The following YAP1 variants were observed in gnomAD, a reference collection of about 807,000 sequenced individuals.
YAP1 encodes Yes1 associated transcriptional regulator.
YAP1 carries 5 observed loss-of-function variants against 56.9 expected under a neutral mutation model. The ratio of observed to expected loss-of-function variants is 0.09; its 90% CI spans 0.05 to 0.18. The LOEUF (loss-of-function observed/expected upper bound fraction) is 0.18, where lower values mean the gene tolerates loss of function less well. Among genes scored for constraint, YAP1 ranks in the 10% least tolerant of loss-of-function variants. YAP1 has a pLI of 1.00. For missense variants in YAP1, 539 were observed against 651.8 expected (o/e 0.83, Z 1.88); for synonymous variants, 265 against 248.1 (o/e 1.07, Z -0.64).
chr11:102,223,592 T>C, intron 6 of YAP1, 30 bp from the exon 7 acceptor site: 1 of 1,608,236 alleles, frequency 6.2e-7, no homozygotes, highest in Non-Finnish European at 8.5e-7. Context: ...AATCAGTAGA[T>C]TGATTCTCTT....
chr11:102,192,781 A>C (rs1002534513), intron 4 of YAP1, among the ~76,000 whole-genome samples: 1 of 152,164 alleles, frequency 6.6e-6, no homozygotes, highest in Non-Finnish European at 1.5e-5. Context: ...CTTTTGAACT[A>C]TTTATTGCAC....
intron 2 of YAP1, among the ~76,000 whole-genome samples, chr11:102,121,065 A>G (rs1286094998): frequency 1.3e-5 from 2 of 151,940 alleles, no homozygotes; most frequent in East Asian, 3.9e-4. Context: ...GTCCCTCCCC[A>G]CCATCCATGA....
intron 2 of YAP1, among the ~76,000 whole-genome samples, chr11:102,149,922 A>G (rs1198183065): frequency 1.5e-5 from 2 of 137,672 alleles, no homozygotes; most frequent in African/African-American, 5.5e-5. Context: ...TTACTGGAGT[A>G]TGTCTTTCCA....
rs1449920536 is a variant in YAP1 at position 102,142,844 on chromosome 11, T to A, written c.573-19612T>A. Among the ~76,000 whole-genome samples the A allele has an allele frequency of 3.3e-5, 5 of 152,378 alleles. No individual in the cohort carries two copies. In the East Asian group the frequency reaches 9.6e-4, roughly 29 times the overall value. On this transcript the variant is annotated intron_variant, in intron 2 of 8. Coordinates refer to ENST00000282441, the MANE Select transcript of YAP1 (RefSeq NM_001130145.3). Reference sequence around the variant, plus strand: ...GGCTAATAAGATATTTTCAAACTTTTTTAGTAATTGATAGGAACTTCGTTT... The same window carrying A: ...GGCTAATAAGATATTTTCAAACTTTATTAGTAATTGATAGGAACTTCGTTT...
At chr11:102,147,298 GAA>G (rs1268613895) in intron 2 of YAP1, among the ~76,000 whole-genome samples, 1 of 152,158 alleles carries the variant, frequency 6.6e-6, no homozygotes, top group Non-Finnish European at 1.5e-5. Flanking sequence ...TAGTATGCCA[GAA>G]CACTCCAGTA....
intron 3 of YAP1, among the ~76,000 whole-genome samples, chr11:102,174,044 G>T (rs551406799): frequency 1.9e-4 from 29 of 152,234 alleles, no homozygotes; most frequent in African/African-American, 7.0e-4. Flanking sequence ...AGTAGGATTG[G>T]GACCTGAGAT....
chr11:102,146,843 C>T (rs768366146), intron 2 of YAP1, among the ~76,000 whole-genome samples: 17 of 152,148 alleles, frequency 1.1e-4, no homozygotes, highest in East Asian at 1.9e-4. Context: ...TCTTCCAGCA[C>T]GACAACTAAT....
intron 2 of YAP1, among the ~76,000 whole-genome samples, chr11:102,134,395 A>T (rs1591179062): frequency 6.6e-6 from 1 of 151,346 alleles, no homozygotes; most frequent in East Asian, 1.9e-4. Context: ...TTTACATCTC[A>T]GTATTGTTCT....
chr11:102,121,228 A>C (rs143026979), intron 2 of YAP1, among the ~76,000 whole-genome samples: 20 of 152,312 alleles, frequency 1.3e-4, no homozygotes, highest in African/African-American at 4.8e-4. Flanking sequence ...CTTTGAGCCC[A>C]GGAGTTGAAG....
intron 6 of YAP1, among the ~76,000 whole-genome samples, chr11:102,209,845 T>C (rs1254052712): frequency 6.6e-6 from 1 of 152,224 alleles, no homozygotes; most frequent in African/African-American, 2.4e-5. Context: ...CAGTTGTACA[T>C]CCTATCAGCT....
At chr11:102,141,330 C>A (rs921481215) in intron 2 of YAP1, among the ~76,000 whole-genome samples, 1 of 152,170 alleles carries the variant, frequency 6.6e-6, no homozygotes, top group Non-Finnish European at 1.5e-5. Context: ...ATTTCAGAAG[C>A]ATTGACTTAT....
chr11:102,194,925 T>A (rs1212648847), intron 4 of YAP1, among the ~76,000 whole-genome samples: 2 of 152,168 alleles, frequency 1.3e-5, no homozygotes, highest in African/African-American at 4.8e-5. Context: ...TTTATTTTTT[T>A]AATTTTTAGT....
At chr11:102,216,474 A>T (rs1303467807) in intron 6 of YAP1, among the ~76,000 whole-genome samples, 3 of 152,226 alleles carry the variant, frequency 2.0e-5, no homozygotes, top group Non-Finnish European at 2.9e-5. Context: ...CCTGTGTTAA[A>T]AAATGCCAAT....
intron 4 of YAP1, among the ~76,000 whole-genome samples, chr11:102,203,813 G>T (rs538900366): frequency 5.9e-5 from 9 of 152,070 alleles, no homozygotes; most frequent in Non-Finnish European, 1.3e-4. Context: ...AAAACATGTG[G>T]GATGCAGGTA....
At chr11:102,112,551 T>C (rs960810252) in intron 1 of YAP1, 19 of 983,848 alleles carry the variant, frequency 1.9e-5, no homozygotes, top group Non-Finnish European at 2.3e-5. Flanking sequence ...GTAACTTGAG[T>C]GGAAAGAAGA....
At chr11:102,189,598 A>AT (rs1449512322) in intron 4 of YAP1, among the ~76,000 whole-genome samples, 1 of 152,164 alleles carries the variant, frequency 6.6e-6, no homozygotes, top group African/African-American at 2.4e-5. Flanking sequence ...CAGAATATTT[A>AT]ATTCCTAACT....
chr11:102,220,583 C>CTTG (rs1196382989), intron 6 of YAP1, among the ~76,000 whole-genome samples: 1 of 151,576 alleles, frequency 6.6e-6, no homozygotes, highest in African/African-American at 2.4e-5. Context: ...TGAATTTAAG[C>CTTG]TTGTAGGGAA....
At chr11:102,128,255 T>A (rs1037954362) in intron 2 of YAP1, among the ~76,000 whole-genome samples, 3 of 152,190 alleles carry the variant, frequency 2.0e-5, no homozygotes, top group African/African-American at 7.2e-5. Flanking sequence ...ACTTGAGCTG[T>A]ATCTCCCAGA....
At chr11:102,175,293 G>C (rs553026830) in intron 3 of YAP1, among the ~76,000 whole-genome samples, 3 of 152,022 alleles carry the variant, frequency 2.0e-5, no homozygotes, top group Non-Finnish European at 4.4e-5. Context: ...CCAGCTACTC[G>C]GGAGGCTGAG....
Sources: allele counts gnomAD v4.1 joint callset (sites outside exome capture counted in the v4.1 genomes callset), GRCh38; gene constraint gnomAD v4.1.1; transcripts MANE v1.5; gene names NCBI Gene and HGNC (gene_info 2026-07-23, HGNC 2026-07-21).